The following CSMD1 variants were observed in gnomAD, a reference collection of about 807,000 sequenced individuals.
CSMD1 encodes the protein CUB and sushi domain-containing protein 1.
In CSMD1, 213 loss-of-function variants were observed where a neutral mutation model predicts 417.5. The ratio of observed to expected loss-of-function variants is 0.51; its 90% CI spans 0.46 to 0.57. The LOEUF (loss-of-function observed/expected upper bound fraction) is 0.57. Ranked by LOEUF, CSMD1 falls within the 20% of genes least tolerant of loss-of-function variation. The pLI is 0.00. For missense variants in CSMD1, 6,923 were observed against 4,529.7 expected, an observed-to-expected ratio of 1.53 and a Z score of -15.17; for synonymous variants, 2,862 against 1,736.8, an observed-to-expected ratio of 1.65 and a Z score of -16.11.
At chr8:3,896,508 T>G (rs930763020) in intron 5 of CSMD1, among the ~76,000 whole-genome samples, 8 of 150,958 alleles carry the variant, frequency 5.3e-5, no homozygotes, top group Non-Finnish European at 1.0e-4. Context: ...ATTATTACTA[T>G]TATTATTATT....
intron 10 of CSMD1, among the ~76,000 whole-genome samples, chr8:3,574,190 G>C (rs1380788106): frequency 2.0e-5 from 3 of 152,196 alleles, no homozygotes; most frequent in Admixed American, 6.5e-5. Context: ...AACGTATATA[G>C]CTTATGAGAA....
intron 54 of CSMD1, among the ~76,000 whole-genome samples, chr8:2,984,344 ATTTAC>A (rs1335652597): frequency 6.6e-6 from 1 of 151,572 alleles, no homozygotes. Context: ...GAGGCTATTT[ATTTAC>A]TTTTTCTTTT....
chr8:3,132,517 A>C (rs1354331996), intron 41 of CSMD1, among the ~76,000 whole-genome samples: 1 of 152,168 alleles, frequency 6.6e-6, no homozygotes, highest in Non-Finnish European at 1.5e-5. Flanking sequence ...TGATGAGTTC[A>C]GTCTCATCAG....
intron 3 of CSMD1, among the ~76,000 whole-genome samples, chr8:4,164,610 C>A (rs944974727): frequency 4.6e-5 from 7 of 152,056 alleles, no homozygotes; most frequent in Admixed American, 6.5e-5. Context: ...TATTTAGGTA[C>A]CTTATTGGTT....
intron 5 of CSMD1, among the ~76,000 whole-genome samples, chr8:3,772,562 TATATATACATATATACAC>T (rs1798666985): frequency 8.9e-6 from 1 of 112,466 alleles, no homozygotes; most frequent in Non-Finnish European, 1.7e-5. Flanking sequence ...CATATATACA[TATATATACATATATACAC>T]ATATATTTAT....
intron 2 of CSMD1, among the ~76,000 whole-genome samples, chr8:4,423,713 T>C (rs1274561386): frequency 1.3e-5 from 2 of 148,488 alleles, no homozygotes; most frequent in Middle Eastern, 3.5e-3. Flanking sequence ...CTTTCTAAAA[T>C]TTATGTGGGA....
At chr8:3,375,179 G>C (rs1371985087) in intron 18 of CSMD1, 1 of 152,134 alleles carries the variant, frequency 6.6e-6, no homozygotes, top group Non-Finnish European at 1.5e-5. Flanking sequence ...CTGCTTGCCA[G>C]GTTTCTCGGG....
At chr8:4,789,674 C>T (rs1038358905) in intron 1 of CSMD1, among the ~76,000 whole-genome samples, 1 of 152,100 alleles carries the variant, frequency 6.6e-6, no homozygotes, top group Non-Finnish European at 1.5e-5. Context: ...CAGAATTTAG[C>T]ATGTTCCAGA....
At chr8:3,240,388 C>G (rs779923483) in intron 26 of CSMD1, among the ~76,000 whole-genome samples, 1 of 151,280 alleles carries the variant, frequency 6.6e-6, no homozygotes, top group East Asian at 2.0e-4. Context: ...AACCAGGTAT[C>G]TAAAGTCGAA....
At chr8:4,175,135 A>G (rs1293952076) in intron 3 of CSMD1, among the ~76,000 whole-genome samples, 1 of 152,068 alleles carries the variant, frequency 6.6e-6, no homozygotes, top group African/African-American at 2.4e-5. Flanking sequence ...GGAATAGTGT[A>G]AGACCTCGAC....
intron 49 of CSMD1, among the ~76,000 whole-genome samples, chr8:3,068,764 A>G (rs1813122701): frequency 6.6e-6 from 1 of 152,152 alleles, no homozygotes; most frequent in Non-Finnish European, 1.5e-5. Context: ...CACTATCATG[A>G]AGACAGCAAT....
chr8:4,167,617 G>C (rs1045812280), intron 3 of CSMD1, among the ~76,000 whole-genome samples: 5 of 152,100 alleles, frequency 3.3e-5, no homozygotes, highest in African/African-American at 9.7e-5. Flanking sequence ...AGGATATGTG[G>C]GGGACAGATA....
intron 3 of CSMD1, among the ~76,000 whole-genome samples, chr8:4,032,988 T>C (rs1797428376): frequency 6.6e-6 from 1 of 152,096 alleles, no homozygotes; most frequent in South Asian, 2.1e-4. Context: ...ACAATCTGTT[T>C]GCGGAAGCCT....
intron 3 of CSMD1, among the ~76,000 whole-genome samples, chr8:4,124,542 C>T (rs1336113127): frequency 6.6e-6 from 1 of 152,156 alleles, no homozygotes; most frequent in African/African-American, 2.4e-5. Flanking sequence ...TGAGAACTTA[C>T]AGAAGCTTTG....
intron 2 of CSMD1, among the ~76,000 whole-genome samples, chr8:4,542,428 G>A (rs999556728): frequency 4.6e-5 from 7 of 152,088 alleles, no homozygotes; most frequent in African/African-American, 1.7e-4. Context: ...AGACACTGAC[G>A]TTTTATAGAA....
At chr8:4,708,178 C>G (rs992000941) in intron 1 of CSMD1, among the ~76,000 whole-genome samples, 2 of 152,034 alleles carry the variant, frequency 1.3e-5, no homozygotes, top group South Asian at 2.1e-4. Context: ...TGGTCTGAAT[C>G]TCCACAAACA....
chr8:3,260,561 A>G (rs1261042527), intron 26 of CSMD1, among the ~76,000 whole-genome samples: 2 of 151,950 alleles, frequency 1.3e-5, no homozygotes, highest in Non-Finnish European at 2.9e-5. Context: ...CAATAACTAC[A>G]GAGAGGGTCC....
chr8:4,145,580 G>T (rs188721807), intron 3 of CSMD1, among the ~76,000 whole-genome samples: 30 of 150,946 alleles, frequency 2.0e-4, no homozygotes, highest in Middle Eastern at 6.8e-3. Flanking sequence ...GTGGAGAGAC[G>T]GTCTCACCAT....
chr8:3,245,666 C>G (rs1585778854), intron 26 of CSMD1, among the ~76,000 whole-genome samples: 1 of 152,134 alleles, frequency 6.6e-6, no homozygotes, highest in East Asian at 1.9e-4. Context: ...AAACGGCCTC[C>G]TTTCATAAGG....
Sources: gnomAD v4.1 joint callset for allele counts (sites outside exome capture counted in the v4.1 genomes callset) on GRCh38, gnomAD v4.1.1 for gene constraint, MANE v1.5 for transcripts, NCBI Gene and HGNC (gene_info 2026-07-23, HGNC 2026-07-21) for gene names.